PRKG1: variants seen among roughly 807,000 people sequenced by gnomAD.
PRKG1 encodes cGMP-dependent protein kinase 1.
PRKG1 carries 35 observed loss-of-function variants against 88.1 expected under a neutral mutation model. The ratio of observed to expected loss-of-function variants is 0.40; its 90% CI spans 0.30 to 0.53. PRKG1 has a LOEUF of 0.53. PRKG1 is among the 20% of genes least tolerant of loss of function. The pLI is 0.59. For missense variants in PRKG1, 540 were observed against 839.8 expected (o/e 0.64, Z 4.41); for synonymous variants, 303 against 292.5 (o/e 1.04, Z -0.37).
At chr10:52,084,282 A>G (rs940777093) in intron 7 of PRKG1, among the ~76,000 whole-genome samples, 1 of 152,046 alleles carries the variant, frequency 6.6e-6, no homozygotes, top group African/African-American at 2.4e-5. Flanking sequence ...CTGCTCAACT[A>G]AGATGCTTTC....
rs1456408190 is a variant in PRKG1, at chr10:52,263,581, T to TA, written c.1174-7769_1174-7768insA. On this transcript the variant is annotated intron_variant, in intron 10 of 17. Coordinates refer to ENST00000373980, the MANE Select transcript of PRKG1 (RefSeq NM_006258.4). ...ACTCTCCATTCCAATCTCCAGGATT[T>TA]TTTTTTTTTTTTTGAGACAGGGTCT... Among the ~76,000 whole-genome samples, 7 of 150,960 alleles carry TA rather than the reference T, an allele frequency of 4.6e-5. No individual in the cohort carries two copies. The South Asian group carries it at 1.0e-3, about 22-fold the overall frequency.
intron 3 of PRKG1, among the ~76,000 whole-genome samples, chr10:51,679,707 T>TC (rs1840796747): frequency 7.4e-6 from 1 of 134,794 alleles, no homozygotes; most frequent in Non-Finnish European, 1.6e-5. Context: ...CAGGGAACTT[T>TC]TTTTTTTTTT....
At chr10:51,642,111 G>A (rs1839814219) in intron 3 of PRKG1, among the ~76,000 whole-genome samples, 1 of 152,152 alleles carries the variant, frequency 6.6e-6, no homozygotes, top group Admixed American at 6.5e-5. Flanking sequence ...ATAGAACTTG[G>A]CTGGGTGTCG....
intron 10 of PRKG1, among the ~76,000 whole-genome samples, chr10:52,269,092 TA>T (rs1163857664): frequency 6.6e-6 from 1 of 152,054 alleles, no homozygotes; most frequent in Non-Finnish European, 1.5e-5. Flanking sequence ...GTATCTGTGT[TA>T]TCATCACTAA....
chr10:51,942,927 G>A (rs10823908), intron 5 of PRKG1, among the ~76,000 whole-genome samples: 28,916 of 151,230 alleles, frequency 0.19, 3,200 homozygotes, highest in East Asian at 0.3. Flanking sequence ...GATTGACTTG[G>A]CGATGCGGGC....
In PRKG1 at chr10:51,126,390, A is replaced by G. The variant is rs1369185593; in HGVS notation, c.312-26774A>G. Among the ~76,000 whole-genome samples the G allele has an allele frequency of 2.9e-4, 39 of 135,182 alleles. No individual in the cohort carries two copies. The East Asian group carries it at 3.7e-3, about 13-fold the overall frequency. The allele number at this position is 135,182 out of a possible 152,430, so 88.7% of individuals were successfully genotyped here. A position where few individuals can be genotyped will look rare whatever the true frequency, so the allele number is the denominator to read the frequency against. On this transcript the variant is annotated intron_variant, in intron 1 of 17. Transcript: ENST00000373980. ...TATATTTTATAGTATTTATATATTT[A>G]TAATTATTTATATATTTATATATAA...
chr10:51,452,407 G>C (rs10823030), intron 2 of PRKG1, among the ~76,000 whole-genome samples: 1 of 151,816 alleles, frequency 6.6e-6, no homozygotes, highest in African/African-American at 2.4e-5. Flanking sequence ...TCCCCATTCA[G>C]TGTGGTGTTG....
intron 2 of PRKG1, among the ~76,000 whole-genome samples, chr10:51,296,774 G>A (rs1268006410): frequency 6.6e-6 from 1 of 151,920 alleles, no homozygotes; most frequent in Non-Finnish European, 1.5e-5. Flanking sequence ...TTGCTTATTT[G>A]AGAATGTTCT....
chr10:51,211,383 G>T (rs1838215899), intron 2 of PRKG1, among the ~76,000 whole-genome samples: 1 of 152,234 alleles, frequency 6.6e-6, no homozygotes. Context: ...AAAACTGGAA[G>T]CATTCCGTTT....
chr10:51,558,237 G>A (rs535989009), intron 3 of PRKG1, among the ~76,000 whole-genome samples: 9 of 152,040 alleles, frequency 5.9e-5, no homozygotes, highest in African/African-American at 2.2e-4. Flanking sequence ...TAATTGAAAG[G>A]GATTTTATGT....
At chr10:51,630,293 C>T (rs183639248) in intron 3 of PRKG1, among the ~76,000 whole-genome samples, 31 of 152,204 alleles carry the variant, frequency 2.0e-4, no homozygotes, top group African/African-American at 5.8e-4. Flanking sequence ...TACTTTAATG[C>T]GGTTAATTTT....
At chr10:51,137,793 G>A (rs1393025940) in intron 1 of PRKG1, among the ~76,000 whole-genome samples, 1 of 152,160 alleles carries the variant, frequency 6.6e-6, no homozygotes, top group African/African-American at 2.4e-5. Context: ...AAGCTGAAAT[G>A]TCTCAGAATC....
chr10:51,068,577 A>T (rs868338631), intron 1 of PRKG1: 2 of 152,076 alleles, frequency 1.3e-5, no homozygotes, highest in African/African-American at 4.8e-5. Context: ...TGGCCAAGTT[A>T]TATCAACTGC....
intron 8 of PRKG1, among the ~76,000 whole-genome samples, chr10:52,147,788 T>G (rs1490523249): frequency 6.6e-6 from 1 of 152,126 alleles, no homozygotes; most frequent in Non-Finnish European, 1.5e-5. Context: ...AGGTCATAGA[T>G]AACACCAAGA....
chr10:51,555,720 T>G (rs1837292615), intron 3 of PRKG1, among the ~76,000 whole-genome samples: 1 of 151,966 alleles, frequency 6.6e-6, no homozygotes, highest in African/African-American at 2.4e-5. Context: ...GAAAGTTTAG[T>G]AAACAGAAAG....
chr10:51,083,862 A>G (rs1844179095), intron 1 of PRKG1, among the ~76,000 whole-genome samples: 1 of 152,162 alleles, frequency 6.6e-6, no homozygotes, highest in African/African-American at 2.4e-5. Context: ...CAAAGTCCTC[A>G]AGGTGTTGCT....
At chr10:51,238,045 T>C (rs1401257367) in intron 2 of PRKG1, among the ~76,000 whole-genome samples, 2 of 152,186 alleles carry the variant, frequency 1.3e-5, no homozygotes, top group African/African-American at 4.8e-5. Flanking sequence ...AGGTAGACAA[T>C]TACATATTCT....
chr10:52,020,811 C>T (rs1373902781), intron 5 of PRKG1, among the ~76,000 whole-genome samples: 2 of 152,134 alleles, frequency 1.3e-5, no homozygotes, highest in East Asian at 3.9e-4. Context: ...TTGTCTCTTA[C>T]TGCACGTGCC....
At chr10:51,606,677 A>G (rs1233491250) in intron 3 of PRKG1, among the ~76,000 whole-genome samples, 5 of 152,162 alleles carry the variant, frequency 3.3e-5, no homozygotes, top group African/African-American at 9.7e-5. Context: ...ACTTAAAAAA[A>G]ATAGTCTAGC....
Sources: gnomAD v4.1 joint callset for allele counts (sites outside exome capture counted in the v4.1 genomes callset) on GRCh38, gnomAD v4.1.1 for gene constraint, MANE v1.5 for transcripts, NCBI Gene and HGNC (gene_info 2026-07-23, HGNC 2026-07-21) for gene names.